ZRANB3: variants seen among roughly 807,000 people sequenced by gnomAD.
ZRANB3 encodes the protein zinc finger RANBP2-type containing 3, also known as DNA annealing helicase and endonuclease ZRANB3.
Under a neutral mutation model 133.8 loss-of-function variants are expected in ZRANB3, and 125 were observed. That is an observed-to-expected ratio of 0.93 (90% CI 0.81 to 1.08). The LOEUF (loss-of-function observed/expected upper bound fraction) is 1.08. ZRANB3 is among the 50% of genes least tolerant of loss of function. The probability of loss-of-function intolerance (pLI) is 0.00; values close to 1 mark genes in which losing one functional copy is unlikely to be tolerated. For missense variants in ZRANB3, 1,229 were observed against 1,275.5 expected (o/e 0.96, Z 0.56); for synonymous variants, 387 against 432.7 (o/e 0.89, Z 1.31).
intron 12 of ZRANB3, among the ~76,000 whole-genome samples, chr2:135,237,355 A>G (rs1573733910): frequency 6.6e-6 from 1 of 151,996 alleles, no homozygotes; most frequent in African/African-American, 2.4e-5. Flanking sequence ...ACTGTAAACT[A>G]GTTCAACCAT....
intron 9 of ZRANB3, among the ~76,000 whole-genome samples, chr2:135,272,366 A>G (rs1680558578): frequency 6.7e-6 from 1 of 150,208 alleles, no homozygotes; most frequent in Middle Eastern, 3.2e-3. Flanking sequence ...CATGAAGAGT[A>G]GTACATTTAT....
intron 12 of ZRANB3, among the ~76,000 whole-genome samples, chr2:135,239,777 AG>A (rs1263664914): frequency 6.6e-6 from 1 of 151,776 alleles, no homozygotes; most frequent in Non-Finnish European, 1.5e-5. Context: ...TCACGAGGTC[AG>A]GAGTTTGAGA....
intron 2 of ZRANB3, among the ~76,000 whole-genome samples, chr2:135,433,733 AC>A (rs1449970236): frequency 6.6e-6 from 1 of 152,218 alleles, no homozygotes; most frequent in Admixed American, 6.5e-5. Flanking sequence ...ACAGTGGCTC[AC>A]GCCTGTAATA....
intron 2 of ZRANB3, among the ~76,000 whole-genome samples, chr2:135,477,102 T>C (rs1353068761): frequency 1.3e-5 from 2 of 152,216 alleles, no homozygotes; most frequent in African/African-American, 2.4e-5. Flanking sequence ...TAATTAGTGA[T>C]TTTAAATTTA....
chr2:135,201,825 A>ATGC (rs1693641967), intron 20 of ZRANB3, among the ~76,000 whole-genome samples: 1 of 152,168 alleles, frequency 6.6e-6, no homozygotes. Context: ...CCTGCACCAC[A>ATGC]TTGGCACCCA....
chr2:135,245,926 C>CAAAAGAA (rs1695770427), intron 12 of ZRANB3, among the ~76,000 whole-genome samples: 2 of 19,552 alleles, frequency 1.0e-4, no homozygotes, highest in Admixed American at 1.9e-3. Flanking sequence ...AACTCCGTCT[C>CAAAAGAA]AAAAAAAAAA....
intron 8 of ZRANB3, among the ~76,000 whole-genome samples, chr2:135,277,605 G>A (rs988214425): frequency 4.6e-5 from 7 of 152,092 alleles, no homozygotes; most frequent in Non-Finnish European, 7.4e-5. Context: ...TTAAGCTAAG[G>A]AAATCTCCCA....
intron 6 of ZRANB3, among the ~76,000 whole-genome samples, chr2:135,331,988 C>A (rs1446177784): frequency 2.6e-5 from 4 of 151,898 alleles, no homozygotes; most frequent in Admixed American, 6.6e-5. Context: ...AATGAAACAA[C>A]TTATAAAGAC....
At chr2:135,348,415 G>T (rs1221477872) in intron 5 of ZRANB3, among the ~76,000 whole-genome samples, 1 of 151,910 alleles carries the variant, frequency 6.6e-6, no homozygotes. Context: ...CCACAAAATT[G>T]GTATTTACCC....
intron 2 of ZRANB3, among the ~76,000 whole-genome samples, chr2:135,447,280 C>G (rs535157301): frequency 1.3e-5 from 2 of 152,326 alleles, no homozygotes; most frequent in Non-Finnish European, 1.5e-5. Context: ...CTCAGGTGAT[C>G]TGCCCGCCTT....
intron 2 of ZRANB3, among the ~76,000 whole-genome samples, chr2:135,470,672 T>C (rs183800488): frequency 2.0e-5 from 3 of 151,930 alleles, no homozygotes; most frequent in African/African-American, 7.2e-5. Flanking sequence ...GGGTGACAGA[T>C]TGAGACTCCA....
chr2:135,293,992 G>C (rs1212096933), intron 8 of ZRANB3, among the ~76,000 whole-genome samples: 3 of 152,046 alleles, frequency 2.0e-5, no homozygotes, highest in Non-Finnish European at 4.4e-5. Context: ...GCTGGATTCG[G>C]TTTGCCAGTA....
chr2:135,324,087 T>A (rs533677152), intron 6 of ZRANB3, among the ~76,000 whole-genome samples: 7 of 151,992 alleles, frequency 4.6e-5, no homozygotes, highest in South Asian at 2.1e-4. Flanking sequence ...GATTTTTTTT[T>A]ATTATTATTA....
At chr2:135,366,801 G>A (rs1291318046) in intron 3 of ZRANB3, among the ~76,000 whole-genome samples, 2 of 152,106 alleles carry the variant, frequency 1.3e-5, no homozygotes, top group South Asian at 4.2e-4. Context: ...GGTGGATCAC[G>A]AGGTCAGGAG....
intron 4 of ZRANB3, among the ~76,000 whole-genome samples, chr2:135,352,666 T>C (rs890313625): frequency 6.6e-6 from 1 of 152,148 alleles, no homozygotes; most frequent in Non-Finnish European, 1.5e-5. Context: ...AATATACCTT[T>C]TATGTTAACA....
chr2:135,224,069 G>C (rs569999240), intron 15 of ZRANB3, among the ~76,000 whole-genome samples: 1 of 152,002 alleles, frequency 6.6e-6, no homozygotes, highest in East Asian at 1.9e-4. Context: ...TATATTTATG[G>C]GATACATGAG....
chr2:135,407,632 C>T (rs1212043691), intron 2 of ZRANB3, among the ~76,000 whole-genome samples: 22 of 151,352 alleles, frequency 1.5e-4, no homozygotes, highest in African/African-American at 2.9e-4. Context: ...GAGATATAGA[C>T]CAATGGAACA....
At chr2:135,405,804 G>A (rs1687990138) in intron 2 of ZRANB3, among the ~76,000 whole-genome samples, 1 of 152,168 alleles carries the variant, frequency 6.6e-6, no homozygotes, top group African/African-American at 2.4e-5. Flanking sequence ...CAGAATCTCT[G>A]GGACACATTC....
intron 1 of ZRANB3, among the ~76,000 whole-genome samples, chr2:135,520,658 C>G (rs1364479167): frequency 6.6e-6 from 1 of 151,948 alleles, no homozygotes; most frequent in East Asian, 1.9e-4. Context: ...GCTCTCGGCT[C>G]ACTGCAACCT....
Sources: gnomAD v4.1 joint callset for allele counts (sites outside exome capture counted in the v4.1 genomes callset) on GRCh38, gnomAD v4.1.1 for gene constraint, MANE v1.5 for transcripts, NCBI Gene and HGNC (gene_info 2026-07-23, HGNC 2026-07-21) for gene names.